PNPLA8: variants seen among roughly 807,000 people sequenced by gnomAD.
The protein encoded by PNPLA8 is calcium-independent phospholipase A2-gamma.
Under a neutral mutation model 76.9 loss-of-function variants are expected in PNPLA8, and 39 were observed. The observed-to-expected ratio is 0.51, with a 90% CI of 0.39 to 0.66. The LOEUF (loss-of-function observed/expected upper bound fraction) is 0.66, where lower values mean the gene tolerates loss of function less well. Among genes scored for constraint, PNPLA8 ranks in the 30% least tolerant of loss-of-function variants. The pLI, the probability that PNPLA8 is intolerant of heterozygous loss-of-function variation, is 0.00. For missense variants in PNPLA8, 887 were observed against 918.0 expected, an observed-to-expected ratio of 0.97 and a Z score of 0.44; for synonymous variants, 301 against 307.9, an observed-to-expected ratio of 0.98 and a Z score of 0.24.
chr7:108,493,401 TA>T (rs1473565876), intron 7 of PNPLA8, among the ~76,000 whole-genome samples: 1 of 151,754 alleles, frequency 6.6e-6, no homozygotes, highest in Non-Finnish European at 1.5e-5. Context: ...TGGGAATAGA[TA>T]TGAATTTTAT....
At chr7:108,506,600 C>A (rs918611258) in intron 4 of PNPLA8, among the ~76,000 whole-genome samples, 1 of 151,992 alleles carries the variant, frequency 6.6e-6, no homozygotes, top group Admixed American at 6.5e-5. Context: ...CCCAGAAGTA[C>A]TACTACTAAA....
At chr7:108,496,477 A>T (rs572980597) in intron 7 of PNPLA8, 107 bp downstream of exon 7, 2 of 646,328 alleles carry the variant, frequency 3.1e-6, no homozygotes, top group Non-Finnish European at 4.9e-6. Flanking sequence ...GATATTTTTC[A>T]AATTATAATA....
At chr7:108,483,832 C>A (rs1860565149) in intron 9 of PNPLA8, among the ~76,000 whole-genome samples, 1 of 152,140 alleles carries the variant, frequency 6.6e-6, no homozygotes, top group South Asian at 2.1e-4. Context: ...TTAACTTAAT[C>A]CTTTCAACTT....
intron 10 of PNPLA8, among the ~76,000 whole-genome samples, chr7:108,477,389 T>TA (rs1306233666): frequency 6.6e-6 from 1 of 152,146 alleles, no homozygotes; most frequent in African/African-American, 2.4e-5. Context: ...ATTCAATGAA[T>TA]AAAAGTCCTC....
At chr7:108,481,227 C>T (rs60591174) in intron 9 of PNPLA8, among the ~76,000 whole-genome samples, 7,300 of 152,162 alleles carry the variant, frequency 0.048, 568 homozygotes, top group African/African-American at 0.17. Context: ...GGAGTAAATA[C>T]GAGTGCGATC....
intron 2 of PNPLA8, among the ~76,000 whole-genome samples, chr7:108,516,107 ACTAC>A (rs1307859859): frequency 1.3e-5 from 2 of 152,226 alleles, no homozygotes; most frequent in Non-Finnish European, 2.9e-5. Flanking sequence ...AAAAGATTTC[ACTAC>A]CTAAGTAATA....
Position 108,472,619 on chromosome 7 carries a change from G to A in PNPLA8, c.2131C>T (p.Pro711Ser). Residue 711 changes from proline (P) to serine (S), a missense_variant, in exon 11 of 11, where the codon CCT (proline) becomes TCT (serine). Pro to Ser is a moderately conservative substitution (Grantham distance 74). Coordinates refer to ENST00000257694, the MANE Select transcript of PNPLA8 (RefSeq NM_001256007.3). ...LPPDTYFRFN[P>S]VMCENIPLDE... Reference sequence around the variant, plus strand: ...AGAGGTATGTTTTCACACATTACAGGATTGAATCTAAAATAGGTGTCAGGA... The same window carrying A: ...AGAGGTATGTTTTCACACATTACAGAATTGAATCTAAAATAGGTGTCAGGA... The A allele has an allele frequency of 6.2e-7, 1 of 1,602,760 alleles. No homozygotes were observed. Among genetic ancestry groups the A allele is most frequent in the Non-Finnish European group, 8.5e-7 (1 of 1,176,986 alleles).
chr7:108,517,732 A>G (rs1470937553), intron 2 of PNPLA8, among the ~76,000 whole-genome samples: 4 of 152,090 alleles, frequency 2.6e-5, no homozygotes, highest in Admixed American at 2.6e-4. Flanking sequence ...AATCCCATAA[A>G]CTGGGGAGCT....
intron 5 of PNPLA8, among the ~76,000 whole-genome samples, chr7:108,498,527 C>T (rs1284941762): frequency 6.6e-6 from 1 of 151,890 alleles, no homozygotes; most frequent in African/African-American, 2.4e-5. Flanking sequence ...CCCGCCTCAG[C>T]CTCCCAAAGT....
In PNPLA8 at chr7:108,496,738, T is replaced by G. The variant is rs774961886; in HGVS notation, c.1471A>C (p.Met491Leu). 26 of 1,610,382 alleles carry G rather than the reference T, an allele frequency of 1.6e-5. No individual in the cohort carries two copies. The highest frequency in any genetic ancestry group is 2.1e-5 in the Non-Finnish European group (25 of 1,178,346). The change falls in exon 7 of 11, where the codon ATG becomes CTG. Residue 491 changes from methionine (M) to leucine (L), a missense_variant. Transcript: ENST00000257694. ...AAGGGCATATGAAACAACCCCAACA[T>G]GAAAGCTAATATGGCACCTGGAAAA... ...GVSTGAILAFMLGLFHMPLDE... is the reference protein window; with the variant it reads ...GVSTGAILAFLLGLFHMPLDE...
At chr7:108,500,004 A>G (rs1563960003) in intron 5 of PNPLA8, among the ~76,000 whole-genome samples, 1 of 151,730 alleles carries the variant, frequency 6.6e-6, no homozygotes, top group African/African-American at 2.4e-5. Flanking sequence ...CTATCCCTTT[A>G]CTTTGCTTTA....
chr7:108,500,960 C>T lies in PNPLA8; in HGVS notation c.1358+1531G>A, dbSNP rs545015941. 5.3e-5 allele frequency among the ~76,000 whole-genome samples: 8 copies of T among 152,130 alleles called. No individual in the cohort carries two copies. In the South Asian group the frequency reaches 1.5e-3, roughly 28 times the overall value. On this transcript the variant is annotated intron_variant, in intron 5 of 10. Coordinates refer to ENST00000257694, the MANE Select transcript of PNPLA8 (RefSeq NM_001256007.3). The stretch of plus-strand genomic sequence containing the variant: ...TACATTTTTCCTTCCTCCTGCCTTC[C>T]ACTGCCACCATCTGAGGTTAGCTTC...
chr7:108,489,892 T>C (rs1861018226), intron 8 of PNPLA8, among the ~76,000 whole-genome samples: 2 of 152,156 alleles, frequency 1.3e-5, no homozygotes, highest in Non-Finnish European at 1.5e-5. Flanking sequence ...AACACACAAA[T>C]AAATGAAGAG....
chr7:108,487,278 G>T (rs750717140), intron 9 of PNPLA8, among the ~76,000 whole-genome samples: 2 of 152,044 alleles, frequency 1.3e-5, no homozygotes, highest in African/African-American at 2.4e-5. Context: ...ACTCTACCTC[G>T]TAAGTAGCAA....
intron 10 of PNPLA8, among the ~76,000 whole-genome samples, chr7:108,473,999 T>TTA (rs199570543): frequency 0.012 from 1,796 of 152,076 alleles, 40 homozygotes; most frequent in African/African-American, 0.039. Flanking sequence ...GCCTATTATT[T>TTA]TATATATATA....
In PNPLA8 at chr7:108,497,641, G is replaced by A. The variant is rs936345098; in HGVS notation, c.1359-64C>T. 1.7e-5 allele frequency: 14 copies of A among 829,184 alleles called. No homozygotes were observed. In the African/African-American group the frequency reaches 1.8e-4, roughly 10 times the overall value. The allele number at this position is 829,184 out of a possible 1,614,324, so 51.4% of individuals were successfully genotyped here. The stretch of plus-strand genomic sequence containing the variant: ...TAAAGAAAAAATAATTTAAGCTGTT[G>A]AATAAAACAATCTAATAATTGCTTT... On this transcript the variant is annotated intron_variant, in intron 5 of 10. Coordinates refer to ENST00000257694, the MANE Select transcript of PNPLA8 (RefSeq NM_001256007.3).
chr7:108,524,334 G>C (rs549859772), intron 1 of PNPLA8, among the ~76,000 whole-genome samples: 40 of 152,272 alleles, frequency 2.6e-4, no homozygotes, highest in Non-Finnish European at 4.7e-4. Flanking sequence ...CTCTGGTTTA[G>C]GGAGAGCGAC....
At position 108,515,174 on chromosome 7, in the gene PNPLA8, A is replaced by G; in HGVS notation, c.318T>C (p.Ser106=). The G allele has an allele frequency of 6.2e-7, 1 of 1,607,052 alleles. No homozygotes were observed. Residue 106 remains serine (S), a synonymous_variant, in exon 3 of 11, where the codon AGT becomes AGC. Coordinates refer to ENST00000257694, the MANE Select transcript of PNPLA8 (RefSeq NM_001256007.3). ...CAGCCTTTGAAACAGAGTTCAAAGT[A>G]CTTTTAATACGGGACATACAAATGT... ...KVNICMSRIK[S]TLNSVSKAVF...
chr7:108,528,126 C>T (rs1014025234), upstream of PNPLA8: 1 of 152,230 alleles, frequency 6.6e-6, no homozygotes, highest in Non-Finnish European at 1.5e-5. Flanking sequence ...GCTCCACATT[C>T]GCATTTCCAC....
Sources: gnomAD v4.1 joint callset for allele counts (sites outside exome capture counted in the v4.1 genomes callset) on GRCh38, gnomAD v4.1.1 for gene constraint, MANE v1.5 for transcripts, NCBI Gene and HGNC (gene_info 2026-07-23, HGNC 2026-07-21) for gene names.